RIN2: variants seen among roughly 807,000 people sequenced by gnomAD.
The protein encoded by RIN2 is Ras and Rab interactor 2, also known as RAB5 interacting protein 2.
Under a neutral mutation model 78.0 loss-of-function variants are expected in RIN2, and 36 were observed. The observed-to-expected ratio is 0.46, with a 90% confidence interval of 0.35 to 0.61. The LOEUF is 0.61. Among genes scored for constraint, RIN2 ranks in the 20% least tolerant of loss-of-function variants. The pLI is 0.00. For synonymous variants in RIN2, 466 were observed against 466.8 expected, an observed-to-expected ratio of 1.00 and a Z score of 0.02; for missense variants, 1,087 against 1,159.7, an observed-to-expected ratio of 0.94 and a Z score of 0.91.
At chr20:19,886,687 T>C (rs1242052125) in intron 2 of RIN2, 1 of 1,540,024 alleles carries the variant, frequency 6.5e-7, no homozygotes, top group Non-Finnish European at 8.8e-7. Context: ...ACTCATTTTC[T>C]CAAGAATCCA....
At chr20:19,847,858 A>AG (rs1278087600) in intron 2 of RIN2, among the ~76,000 whole-genome samples, 11 of 152,250 alleles carry the variant, frequency 7.2e-5, no homozygotes, top group African/African-American at 2.6e-4. Flanking sequence ...TAGAACAGGG[A>AG]GGGGCCCATA....
chr20:19,901,164 C>A (rs2038965812), intron 3 of RIN2, among the ~76,000 whole-genome samples: 1 of 152,056 alleles, frequency 6.6e-6, no homozygotes, highest in South Asian at 2.1e-4. Context: ...AGCTTCATGT[C>A]CTTCTCTGGA....
rs779426781 is a variant in RIN2 at position 19,974,978 on chromosome 20, G to C, written c.953G>C (p.Ser318Thr). Residue 318 changes from serine to threonine, a missense_variant, in exon 9 of 13, where the codon AGT (serine) becomes ACT (threonine). By Grantham distance (58) the Ser-to-Thr change is moderately conservative. This residue lies in a region of RIN2 where 706 missense variants were observed against 667.5 expected (regional missense o/e 1.06). Transcript: ENST00000255006. ...PPRPPPPAIN[S>T]LHTSPRLART... Reference sequence around the variant, plus strand: ...AGGCCCCCGCCACCCGCTATTAATAGTCTCCACACAAGCCCTCGGCTGGCC... The same window carrying C: ...AGGCCCCCGCCACCCGCTATTAATACTCTCCACACAAGCCCTCGGCTGGCC... 6.2e-6 allele frequency: 8 copies of C among 1,282,040 alleles called. No homozygotes were observed. In the South Asian group the frequency reaches 8.1e-5, roughly 13 times the overall value. The allele number at this position is 1,282,040 out of a possible 1,614,324, so 79.4% of individuals were successfully genotyped here.
At chr20:19,954,785 C>T (rs2041469476) in intron 4 of RIN2, among the ~76,000 whole-genome samples, 1 of 152,080 alleles carries the variant, frequency 6.6e-6, no homozygotes, top group Non-Finnish European at 1.5e-5. Context: ...TGGATAAATA[C>T]CAGAGCATGT....
At chr20:19,796,392 C>T (rs768179323) in intron 1 of RIN2, among the ~76,000 whole-genome samples, 5 of 152,176 alleles carry the variant, frequency 3.3e-5, no homozygotes, top group Admixed American at 3.3e-4. Context: ...TCATGATCCC[C>T]CAGTGAACTG....
In RIN2 at chr20:19,836,572, A is replaced by C. The variant is rs187166881; in HGVS notation, c.-37+36825A>C. ...GAATATTTTCATGGATAGAATTTCT[A>C]ATCTACCAATTAGGAGACCATGAGC... is the stretch of plus-strand genomic sequence containing the variant. On this transcript the variant is annotated intron_variant, in intron 2 of 12. Transcript: ENST00000255006. Among the ~76,000 whole-genome samples, 49 of 152,240 alleles carry C rather than the reference A, an allele frequency of 3.2e-4. 2 individuals carry two copies. The highest frequency in any genetic ancestry group is 3.1e-3 in the Admixed American group (48 of 15,292).
chr20:19,974,519 A>C (rs1360182606), intron 8 of RIN2, 135 bp from the exon 9 acceptor site: 2 of 828,814 alleles, frequency 2.4e-6, no homozygotes, highest in East Asian at 5.3e-5. Flanking sequence ...GAATGCAGTA[A>C]ACCTGAGTAC....
chr20:19,844,896 C>G (rs184323064), intron 2 of RIN2, among the ~76,000 whole-genome samples: 3 of 151,942 alleles, frequency 2.0e-5, no homozygotes, highest in Non-Finnish European at 2.9e-5. Context: ...CCCCCACCCC[C>G]CAACAGGCCC....
At chr20:19,955,974 T>C (rs1384772943) in intron 4 of RIN2, among the ~76,000 whole-genome samples, 2 of 152,120 alleles carry the variant, frequency 1.3e-5, no homozygotes, top group African/African-American at 4.8e-5. Flanking sequence ...TGTTTTATAT[T>C]GGCCAGGCAG....
chr20:19,795,534 A>G (rs896005611), intron 1 of RIN2, among the ~76,000 whole-genome samples: 1 of 152,014 alleles, frequency 6.6e-6, no homozygotes, highest in Non-Finnish European at 1.5e-5. Context: ...ATTGCCCTCT[A>G]TTTTGCCCGT....
chr20:19,921,709 CTG>C (rs1320901339), intron 3 of RIN2, among the ~76,000 whole-genome samples: 2 of 152,126 alleles, frequency 1.3e-5, no homozygotes, highest in African/African-American at 4.8e-5. Context: ...AGCCGAAGAA[CTG>C]TGTGAAAGTG....
At position 19,907,104 on chromosome 20, in the gene RIN2, G is replaced by A. The variant is rs6132245; in HGVS notation, c.57+17446G>A. ...AGGGCAGCAGAGAGTACATGTGCATGCAAGGGTAGGAGGGAGAGAGAGAGG... is the reference window on the plus strand; with the variant it reads ...AGGGCAGCAGAGAGTACATGTGCATACAAGGGTAGGAGGGAGAGAGAGAGG... On this transcript the variant is annotated intron_variant, in intron 3 of 12. Transcript: ENST00000255006. Among the ~76,000 whole-genome samples, 1,369 of 152,254 alleles carry A rather than the reference G, an allele frequency of 9.0e-3. 58 individuals are homozygous for A. In the East Asian group the frequency reaches 0.15, roughly 16 times the overall value.
rs1161064162 is a variant in RIN2 at position 19,996,817 on chromosome 20, C to A, written c.2339C>A (p.Thr780Asn). The A allele has an allele frequency of 1.9e-6, 3 of 1,602,696 alleles. No individual in the cohort carries two copies. In the Admixed American group the frequency reaches 5.2e-5, roughly 28 times the overall value. Residue 780 changes from threonine to asparagine, a missense_variant, in exon 12 of 13, where the codon ACC becomes AAC. By Grantham distance (65) the Thr-to-Asn change is moderately conservative. Coordinates refer to ENST00000255006, the MANE Select transcript of RIN2 (RefSeq NM_018993.4). ...CACAAACGGAGAACCACCAACCGGA[C>A]CATCCCCTCTGTGGACGACTTCCAG... ...QWHKRRTTNR[T>N]IPSVDDFQNY...
intron 2 of RIN2, among the ~76,000 whole-genome samples, chr20:19,817,901 A>C (rs929380319): frequency 2.0e-5 from 3 of 152,238 alleles, no homozygotes; most frequent in Non-Finnish European, 4.4e-5. Flanking sequence ...ATTCAATATC[A>C]AAAAATGTGA....
chr20:19,988,063 A>G (rs1438820887), intron 9 of RIN2, among the ~76,000 whole-genome samples: 2 of 152,190 alleles, frequency 1.3e-5, no homozygotes, highest in South Asian at 4.1e-4. Flanking sequence ...TTTGAATTCA[A>G]TAAGATCTGA....
At chr20:19,946,658 C>T (rs541537416) in intron 4 of RIN2, among the ~76,000 whole-genome samples, 89 of 144,256 alleles carry the variant, frequency 6.2e-4, no homozygotes, top group African/African-American at 2.2e-3. Context: ...TGCAGTAAGC[C>T]GAGATTGTGT....
chr20:19,795,190 T>G (rs973741602), intron 1 of RIN2, among the ~76,000 whole-genome samples: 2 of 152,208 alleles, frequency 1.3e-5, no homozygotes, highest in African/African-American at 4.8e-5. Flanking sequence ...TCTCAGTCAG[T>G]CTGTTTCTGT....
At chr20:19,908,299 G>A (rs2039307391) in intron 3 of RIN2, among the ~76,000 whole-genome samples, 1 of 152,110 alleles carries the variant, frequency 6.6e-6, no homozygotes. Flanking sequence ...AGACCATCCT[G>A]GCTAACATGG....
chr20:19,855,489 C>A (rs1380425432), intron 2 of RIN2, among the ~76,000 whole-genome samples: 7 of 152,076 alleles, frequency 4.6e-5, no homozygotes, highest in Non-Finnish European at 4.4e-5. Flanking sequence ...TGGTAGAATT[C>A]AGTTGTGAAT....
Sources: allele counts gnomAD v4.1 joint callset (sites outside exome capture counted in the v4.1 genomes callset), GRCh38; gene constraint gnomAD v4.1.1; regional missense constraint gnomAD v4.1.1; transcripts MANE v1.5; gene names NCBI Gene and HGNC (gene_info 2026-07-23, HGNC 2026-07-21).